Variants in ERAP2 observed in about 807,000 individuals in gnomAD.
The protein encoded by ERAP2 is endoplasmic reticulum aminopeptidase 2.
Under a neutral mutation model 111.1 loss-of-function variants are expected in ERAP2, and 118 were observed. The ratio of observed to expected loss-of-function variants is 1.06; its 90% CI spans 0.92 to 1.24. The LOEUF (loss-of-function observed/expected upper bound fraction) is 1.24. Among genes scored for constraint, ERAP2 ranks in the 50% most tolerant of loss-of-function variants. The pLI, the probability that ERAP2 is intolerant of heterozygous loss-of-function variation, is 0.00. For synonymous variants in ERAP2, 410 were observed against 401.2 expected, an observed-to-expected ratio of 1.02 and a Z score of -0.26; for missense variants, 1,131 against 1,125.8, an observed-to-expected ratio of 1.00 and a Z score of -0.07.
At chr5:96,902,195 CAGTCTGTCTG>C in intron 11 of ERAP2, 69 bp from the exon 12 acceptor site, 1 of 979,854 alleles carries the variant, frequency 1.0e-6, no homozygotes, top group Non-Finnish European at 1.6e-6. Context: ...GTGCCTTTTA[CAGTCTGTCTG>C]AGTCTGACAA....
intron 13 of ERAP2, among the ~76,000 whole-genome samples, chr5:96,907,430 T>C (rs1786212124): frequency 6.6e-6 from 1 of 152,186 alleles, no homozygotes; most frequent in South Asian, 2.1e-4. Context: ...TGGCTTAATA[T>C]AAAGTAGTTT....
chr5:96,916,896 G>A (rs1787477820), intron 18 of ERAP2, among the ~76,000 whole-genome samples: 1 of 151,728 alleles, frequency 6.6e-6, no homozygotes, highest in Admixed American at 6.6e-5. Flanking sequence ...CTATGACTTG[G>A]GTAAATCATT....
chr5:96,887,920 G>C (rs993846512), intron 4 of ERAP2, among the ~76,000 whole-genome samples: 1 of 152,122 alleles, frequency 6.6e-6, no homozygotes, highest in Non-Finnish European at 1.5e-5. Context: ...GAGGTCAGGA[G>C]TTTGAGACCA....
At chr5:96,900,213 G>A (rs1197257616) in intron 10 of ERAP2, 24 bp downstream of exon 10, 2 of 1,612,884 alleles carry the variant, frequency 1.2e-6, no homozygotes, top group African/African-American at 1.3e-5. Context: ...GAGTCACAGA[G>A]TAGAAGAGAT....
intron 13 of ERAP2, among the ~76,000 whole-genome samples, chr5:96,908,476 G>C (rs749223197): frequency 1.3e-5 from 2 of 152,106 alleles, no homozygotes; most frequent in Non-Finnish European, 2.9e-5. Context: ...ATAGGATTAA[G>C]GACAAACATC....
Position 96,876,535 on chromosome 5 carries a change from A to G in ERAP2, c.-123+8A>G, listed in dbSNP as rs1249220386. ...GCAGCAGCATGATTTAAGGTAACGT[A>G]TCAACATTTCTCTTGGGTTTGTCTT... On this transcript the variant is annotated splice_region_variant and intron_variant, in intron 1 of 18. Coordinates refer to ENST00000437043, the MANE Select transcript of ERAP2 (RefSeq NM_022350.5). 1 of 152,366 alleles carries G rather than the reference A, an allele frequency of 6.6e-6. No homozygotes were observed. The highest frequency in any genetic ancestry group is 6.5e-5 in the Admixed American group (1 of 15,282). The allele number at this position is 152,366 out of a possible 1,614,324, so 9.4% of individuals were successfully genotyped here. A position where few individuals can be genotyped will look rare whatever the true frequency, so the allele number is the denominator to read the frequency against.
chr5:96,879,734 A>G lies in ERAP2; in HGVS notation c.49A>G (p.Asn17Asp), dbSNP rs1264200886. 1 of 1,614,184 alleles carries G rather than the reference A, an allele frequency of 6.2e-7. No individual in the cohort carries two copies. Among genetic ancestry groups the G allele is most frequent in the Non-Finnish European group, 8.5e-7 (1 of 1,180,008 alleles). The change falls in exon 2 of 19, where the codon AAC becomes GAC. Residue 17 changes from asparagine (N) to aspartate (D), a missense_variant. Around this residue, in one of 3 missense-constraint regions of ERAP2, gnomAD observed 847 missense variants for 856.5 expected, o/e 0.99. Transcript: ENST00000437043. ...TAATTCACACAGAAAACCAATGTTT[A>G]ACATTCACAGAGGATTTTACTGCTT... ...MVNSHRKPMF[N>D]IHRGFYCLTA...
chr5:96,881,713 C>A (rs1160341070), intron 2 of ERAP2, among the ~76,000 whole-genome samples: 1 of 152,110 alleles, frequency 6.6e-6, no homozygotes, highest in African/African-American at 2.4e-5. Context: ...CTAATACTTG[C>A]AAGATGATTG....
rs1362643995 is a variant in ERAP2 at position 96,886,778 on chromosome 5, T to C, written c.838T>C (p.Ser280Pro). 1 of 1,505,148 alleles carries C rather than the reference T, an allele frequency of 6.6e-7. No homozygotes were observed. Among genetic ancestry groups the C allele is most frequent in the African/African-American group, 1.4e-5 (1 of 73,304 alleles). 93.2% of individuals were successfully genotyped at this position (1,505,148 alleles called of 1,614,324 possible). ...DFHSLSGFTS[S>P]GVKVSIYASP... ...CCACTCTCTGAGTGGCTTCACTTCA[T>C]CAGGGGTCAAGGTGAGACTGAGTTC... Residue 280 changes from serine to proline, a missense_variant, in exon 4 of 19, where the codon TCA becomes CCA. Physicochemically the swap from Ser to Pro is moderately conservative, Grantham distance 74 (BLOSUM62 -1). This residue lies in a region of ERAP2 where 847 missense variants were observed against 856.5 expected (regional missense o/e 0.99). Coordinates refer to ENST00000437043, the MANE Select transcript of ERAP2 (RefSeq NM_022350.5).
intron 5 of ERAP2, chr5:96,889,597 G>A (rs181947135): frequency 6.3e-5 from 42 of 664,600 alleles, no homozygotes; most frequent in African/African-American, 5.2e-4. Flanking sequence ...AGGCTGGGAC[G>A]GAAGCCAGGT....
Position 96,879,837 on chromosome 5 carries a change from G to C in ERAP2, c.152G>C (p.Gly51Ala). The change falls in exon 2 of 19, where the codon GGG becomes GCG. Residue 51 changes from glycine to alanine, a missense_variant. By Grantham distance (60) the Gly-to-Ala change is moderately conservative (BLOSUM62 0). Coordinates refer to ENST00000437043, the MANE Select transcript of ERAP2 (RefSeq NM_022350.5). ...PSSYHFTEDP[G>A]AFPVATNGER... The stretch of plus-strand genomic sequence containing the variant: ...AGTTATCACTTCACTGAGGATCCTG[G>C]GGCTTTCCCAGTAGCCACTAATGGG... The C allele has an allele frequency of 6.2e-7, 1 of 1,614,044 alleles. No individual in the cohort carries two copies. Among genetic ancestry groups the C allele is most frequent in the Admixed American group, 1.7e-5 (1 of 60,000 alleles).
chr5:96,879,597 C>A lies in ERAP2; in HGVS notation c.-89C>A. 2 of 977,028 alleles carry A rather than the reference C, an allele frequency of 2.0e-6. No homozygotes were observed. Among genetic ancestry groups the A allele is most frequent in the East Asian group, 2.4e-5 (1 of 40,860 alleles). 60.5% of individuals were successfully genotyped at this position (977,028 alleles called of 1,614,324 possible). On this transcript the variant is annotated 5_prime_UTR_variant, in exon 2 of 19. Transcript: ENST00000437043. ...CATGTATTGAAAATATTGTTCAGAC[C>A]CCATGTGACATAACTGGAGCCAGTG...
intron 8 of ERAP2, 24 bp from the exon 9 acceptor site, chr5:96,896,708 C>T: frequency 6.5e-7 from 1 of 1,547,274 alleles, no homozygotes; most frequent in Non-Finnish European, 8.7e-7. Flanking sequence ...TCTCTTTTTT[C>T]AACTCTTTTG....
At chr5:96,907,462 T>C (rs1786216919) in intron 13 of ERAP2, among the ~76,000 whole-genome samples, 1 of 152,258 alleles carries the variant, frequency 6.6e-6, no homozygotes, top group Non-Finnish European at 1.5e-5. Context: ...ATATTCTTCT[T>C]AAAATTGTGG....
At chr5:96,906,423 T>G (rs997996793) in intron 13 of ERAP2, among the ~76,000 whole-genome samples, 1 of 151,944 alleles carries the variant, frequency 6.6e-6, no homozygotes, top group Non-Finnish European at 1.5e-5. Context: ...CACACCACCA[T>G]GCCCAACCAA....
chr5:96,886,627 T>G (rs1395139793), intron 3 of ERAP2, 28 bp from the exon 4 acceptor site: 2 of 1,473,794 alleles, frequency 1.4e-6, no homozygotes, highest in South Asian at 1.4e-5. Context: ...AGTTTTCAAG[T>G]ACTGATTATT....
At chr5:96,917,312 G>T in intron 18 of ERAP2, 150 bp from the exon 19 acceptor site, 1 of 538,504 alleles carries the variant, frequency 1.9e-6, no homozygotes, top group Non-Finnish European at 3.2e-6. Context: ...TAGAGTCAGG[G>T]GTTCTGGCAT....
At chr5:96,890,500 G>A (rs1784229428) in intron 5 of ERAP2, among the ~76,000 whole-genome samples, 1 of 152,170 alleles carries the variant, frequency 6.6e-6, no homozygotes, top group Admixed American at 6.5e-5. Flanking sequence ...CTAGGGTTAG[G>A]GACCCCTGTT....
chr5:96,913,064 TAC>T (rs1407571574), intron 16 of ERAP2, among the ~76,000 whole-genome samples: 1 of 152,204 alleles, frequency 6.6e-6, no homozygotes, highest in Non-Finnish European at 1.5e-5. Context: ...GTTGTAAAAA[TAC>T]ATTCTTGCAT....
Sources: gnomAD v4.1 joint callset for allele counts (sites outside exome capture counted in the v4.1 genomes callset) on GRCh38, gnomAD v4.1.1 for gene constraint, gnomAD v4.1.1 regional missense constraint, MANE v1.5 for transcripts, NCBI Gene and HGNC (gene_info 2026-07-23, HGNC 2026-07-21) for gene names.